Variants in PHACTR1 observed in about 807,000 individuals in gnomAD.
PHACTR1 encodes the protein RPEL repeat containing 1.
Under a neutral mutation model 69.2 loss-of-function variants are expected in PHACTR1, and 16 were observed. That is an observed-to-expected ratio of 0.23 (90% confidence interval 0.16 to 0.35). The LOEUF is 0.35. Ranked by LOEUF, PHACTR1 falls within the 10% of genes least tolerant of loss-of-function variation. The pLI is 1.00. For missense variants in PHACTR1, 510 were observed against 734.7 expected (o/e 0.69, Z 3.54); for synonymous variants, 312 against 284.5 (o/e 1.10, Z -0.97).
chr6:13,141,724 C>CTTTTTTTTTTTTTTTT (rs577073698), intron 5 of PHACTR1, among the ~76,000 whole-genome samples: 9 of 89,774 alleles, frequency 1.0e-4, no homozygotes, highest in African/African-American at 2.1e-4. Context: ...TTTCTTCTTT[C>CTTTTTTTTTTTTTTTT]TTTTTTTTTT....
intron 4 of PHACTR1, among the ~76,000 whole-genome samples, chr6:13,027,734 G>C (rs765685933): frequency 1.3e-5 from 2 of 151,942 alleles, no homozygotes; most frequent in Non-Finnish European, 2.9e-5. Context: ...GGAGTGCAGT[G>C]GTGCAATCTA....
intron 4 of PHACTR1, among the ~76,000 whole-genome samples, chr6:12,762,198 C>T (rs1241894413): frequency 6.6e-6 from 1 of 152,068 alleles, no homozygotes; most frequent in African/African-American, 2.4e-5. Context: ...TGGGTTTTTA[C>T]GTATTTATTT....
At chr6:13,105,219 A>T (rs576263755) in intron 5 of PHACTR1, among the ~76,000 whole-genome samples, 2,325 of 152,226 alleles carry the variant, frequency 0.015, 69 homozygotes, top group African/African-American at 0.053. Context: ...CTCTACAAAA[A>T]AATTTAAAAA....
At chr6:13,156,430 A>G (rs543526240) in intron 5 of PHACTR1, among the ~76,000 whole-genome samples, 1 of 152,338 alleles carries the variant, frequency 6.6e-6, no homozygotes, top group Non-Finnish European at 1.5e-5. Context: ...TTTTAAAGGA[A>G]ACTTAGGACG....
At chr6:13,128,771 C>CTAGACATCCAAA (rs1369602745) in intron 5 of PHACTR1, among the ~76,000 whole-genome samples, 1 of 152,142 alleles carries the variant, frequency 6.6e-6, no homozygotes, top group Non-Finnish European at 1.5e-5. Flanking sequence ...TGCTAGAGAT[C>CTAGACATCCAAA]TAGACATCCA....
intron 10 of PHACTR1, among the ~76,000 whole-genome samples, chr6:13,232,977 G>T (rs564992748): frequency 6.6e-6 from 1 of 152,342 alleles, no homozygotes; most frequent in African/African-American, 2.4e-5. Context: ...AGATGCCAGA[G>T]CATCTGGCTG....
chr6:12,846,651 T>G (rs907806785), intron 4 of PHACTR1, among the ~76,000 whole-genome samples: 1 of 152,140 alleles, frequency 6.6e-6, no homozygotes, highest in Non-Finnish European at 1.5e-5. Context: ...TTTGAAGTAA[T>G]ATTAATCTTA....
intron 10 of PHACTR1, among the ~76,000 whole-genome samples, chr6:13,254,159 C>T (rs138312620): frequency 2.1e-4 from 32 of 152,130 alleles, no homozygotes; most frequent in African/African-American, 2.2e-4. Context: ...ACCCGGGAGG[C>T]GGAGGTTGCA....
At chr6:12,875,162 A>G (rs942182061) in intron 4 of PHACTR1, among the ~76,000 whole-genome samples, 4 of 152,254 alleles carry the variant, frequency 2.6e-5, no homozygotes, top group African/African-American at 7.2e-5. Context: ...ACTCAGAAAC[A>G]TAAGGATTGA....
intron 5 of PHACTR1, among the ~76,000 whole-genome samples, chr6:13,099,826 G>A (rs1448609484): frequency 6.6e-6 from 1 of 152,054 alleles, no homozygotes; most frequent in Non-Finnish European, 1.5e-5. Context: ...TTTAAATTGA[G>A]AAACAAACAA....
intron 4 of PHACTR1, among the ~76,000 whole-genome samples, chr6:12,827,837 T>A (rs1189982581): frequency 6.6e-6 from 1 of 152,204 alleles, no homozygotes; most frequent in South Asian, 2.1e-4. Flanking sequence ...CATGATAATA[T>A]GAAAATAACA....
At chr6:13,110,984 A>C (rs781090237) in intron 5 of PHACTR1, among the ~76,000 whole-genome samples, 2 of 151,940 alleles carry the variant, frequency 1.3e-5, no homozygotes, top group African/African-American at 4.8e-5. Context: ...TATAATATTC[A>C]GGAATTCTCA....
rs1471214792 is a variant in PHACTR1, at chr6:13,133,791, G to C, written c.416-26413G>C. ...ATGTGAGGAGCCCCTCTGCCCGGCCGCCCAGTCTGGGAAGTGAGGAGCGTC... is the reference window on the plus strand; with the variant it reads ...ATGTGAGGAGCCCCTCTGCCCGGCCCCCCAGTCTGGGAAGTGAGGAGCGTC... On this transcript the variant is annotated intron_variant, in intron 5 of 14. Coordinates refer to ENST00000332995, the MANE Select transcript of PHACTR1 (RefSeq NM_030948.6). Among the ~76,000 whole-genome samples the C allele has an allele frequency of 1.0e-4, 15 of 149,650 alleles. 2 individuals carry two copies.
At chr6:13,149,145 C>T (rs1318581279) in intron 5 of PHACTR1, among the ~76,000 whole-genome samples, 1 of 152,142 alleles carries the variant, frequency 6.6e-6, no homozygotes, top group Non-Finnish European at 1.5e-5. Flanking sequence ...TGCCTTTTTA[C>T]AACAGAACAC....
At position 13,286,130 on chromosome 6, in the gene PHACTR1, C is replaced by T; in HGVS notation, c.1651-16C>T. 1.3e-6 allele frequency: 2 copies of T among 1,591,486 alleles called. No homozygotes were observed. The highest frequency in any genetic ancestry group is 3.3e-4 in the Middle Eastern group (2 of 6,006). ...CTCTCTCCCATTGCACATTGATGGG[C>T]TTCTGTTGATTCCAGGCTGCCATCC... On this transcript the variant is annotated splice_polypyrimidine_tract_variant and intron_variant, in intron 13 of 14. Transcript: ENST00000332995.
chr6:13,094,161 G>A (rs1285265653), intron 5 of PHACTR1, among the ~76,000 whole-genome samples: 4 of 151,912 alleles, frequency 2.6e-5, no homozygotes. Flanking sequence ...GATTACAGGT[G>A]TGAGCCACCA....
intron 13 of PHACTR1, among the ~76,000 whole-genome samples, chr6:13,284,543 AATATATATATAT>A (rs3037749): frequency 8.1e-5 from 5 of 61,354 alleles, no homozygotes; most frequent in African/African-American, 5.3e-4. Flanking sequence ...AAAAAAAAAA[AATATATATATAT>A]ATATATATAT....
At position 12,721,381 on chromosome 6, in the gene PHACTR1, C is replaced by T. The variant is rs1479610778; in HGVS notation, c.103+2534C>T. Among the ~76,000 whole-genome samples the T allele has an allele frequency of 2.1e-5, 3 of 143,434 alleles. No homozygotes were observed. In the East Asian group the frequency reaches 6.1e-4, roughly 29 times the overall value. 94.1% of individuals were successfully genotyped at this position (143,434 alleles called of 152,430 possible). On this transcript the variant is annotated intron_variant, in intron 3 of 14. Coordinates refer to ENST00000332995, the MANE Select transcript of PHACTR1 (RefSeq NM_030948.6). ...CCTGGGTGACAGAGTGAGATTCTGT[C>T]AAAAAAAAAAACTTCACAATGAAGC...
At chr6:12,888,072 C>CAAAA (rs33925347) in intron 4 of PHACTR1, among the ~76,000 whole-genome samples, 959 of 71,518 alleles carry the variant, frequency 0.013, 55 homozygotes, top group African/African-American at 0.03. Context: ...GACTCCATCT[C>CAAAA]AAAAAAAAAA....
Sources: gnomAD v4.1 joint callset for allele counts (sites outside exome capture counted in the v4.1 genomes callset) on GRCh38, gnomAD v4.1.1 for gene constraint, MANE v1.5 for transcripts, NCBI Gene and HGNC (gene_info 2026-07-23, HGNC 2026-07-21) for gene names.